Variants in GABRG2 observed in about 807,000 individuals in gnomAD.
GABRG2 encodes gamma-aminobutyric acid type A receptor subunit gamma2, also known as gamma-aminobutyric acid receptor subunit gamma-2.
A neutral mutation model predicts 56.4 loss-of-function variants in GABRG2; 16 were observed. The ratio of observed to expected loss-of-function variants is 0.28; its 90% CI spans 0.19 to 0.43. The LOEUF is 0.43. GABRG2 is among the 20% of genes least tolerant of loss of function. The probability of loss-of-function intolerance (pLI) is 1.00; values close to 1 mark genes in which losing one functional copy is unlikely to be tolerated. For synonymous variants in GABRG2, 208 were observed against 205.5 expected, an observed-to-expected ratio of 1.01 and a Z score of -0.10; for missense variants, 327 against 582.7, an observed-to-expected ratio of 0.56 and a Z score of 4.52.
At chr5:162,095,464 T>A in intron 2 of GABRG2, 31 bp from the exon 3 acceptor site, 1 of 1,361,304 alleles carries the variant, frequency 7.3e-7, no homozygotes, top group Non-Finnish European at 1.1e-6. Context: ...CACCTCTCTA[T>A]GTGCACACAT....
intron 6 of GABRG2, among the ~76,000 whole-genome samples, chr5:162,106,074 C>T (rs936264888): frequency 6.6e-6 from 1 of 152,074 alleles, no homozygotes; most frequent in Non-Finnish European, 1.5e-5. Flanking sequence ...ATTACCACCT[C>T]CCCAATGTCT....
intron 1 of GABRG2, among the ~76,000 whole-genome samples, chr5:162,076,837 A>G (rs1331876256): frequency 1.3e-5 from 2 of 152,148 alleles, no homozygotes; most frequent in Non-Finnish European, 2.9e-5. Flanking sequence ...TGCCTCATAC[A>G]TCTGATCATA....
At chr5:162,077,828 C>G (rs957231806) in intron 1 of GABRG2, among the ~76,000 whole-genome samples, 1 of 152,028 alleles carries the variant, frequency 6.6e-6, no homozygotes, top group Non-Finnish European at 1.5e-5. Flanking sequence ...CATGCTCACT[C>G]CAATGTGGCT....
intron 6 of GABRG2, among the ~76,000 whole-genome samples, chr5:162,120,191 CCT>C (rs1762890689): frequency 1.3e-5 from 2 of 152,052 alleles, no homozygotes; most frequent in South Asian, 4.1e-4. Context: ...CTTGCCTTTC[CCT>C]GTCTTTTACA....
At chr5:162,083,268 G>A (rs916268816) in intron 1 of GABRG2, among the ~76,000 whole-genome samples, 1 of 151,562 alleles carries the variant, frequency 6.6e-6, no homozygotes, top group Non-Finnish European at 1.5e-5. Flanking sequence ...GCCTAAATAT[G>A]GAACCAGCCT....
At chr5:162,104,419 G>A (rs747707262) in intron 6 of GABRG2, among the ~76,000 whole-genome samples, 5 of 152,090 alleles carry the variant, frequency 3.3e-5, no homozygotes, top group African/African-American at 4.8e-5. Flanking sequence ...TAGTGGATAT[G>A]GACCCATTCT....
chr5:162,093,677 G>T (rs530210491), intron 1 of GABRG2, 151 bp from the exon 2 acceptor site: 17 of 731,264 alleles, frequency 2.3e-5, no homozygotes, highest in African/African-American at 5.2e-5. Context: ...CTCCATCTAT[G>T]CAGTTTAATT....
intron 6 of GABRG2, among the ~76,000 whole-genome samples, chr5:162,105,988 T>C (rs1027641620): frequency 2.0e-5 from 3 of 152,130 alleles, no homozygotes; most frequent in Admixed American, 6.5e-5. Flanking sequence ...TCTTGTTTAG[T>C]TGTTTTGAGC....
Position 162,141,850 on chromosome 5 carries a change from C to A in GABRG2, c.770-314C>A, listed in dbSNP as rs1343719822. Among the ~76,000 whole-genome samples the A allele has an allele frequency of 2.0e-5, 3 of 152,006 alleles. 1 individual carries two copies. Among genetic ancestry groups the A allele is most frequent in the Admixed American group, 1.3e-4 (2 of 15,244 alleles). On this transcript the variant is annotated intron_variant, in intron 6 of 9. Coordinates refer to ENST00000639213, the MANE Select transcript of GABRG2 (RefSeq NM_198904.4). ...AAATACTGTTCCCTACCCTCCTCAC[C>A]AAACATTTTTATAATGTTTGTGAAG...
chr5:162,123,263 C>A (rs1239906261), intron 6 of GABRG2, among the ~76,000 whole-genome samples: 1 of 151,576 alleles, frequency 6.6e-6, no homozygotes, highest in African/African-American at 2.4e-5. Context: ...TATTTCTTCA[C>A]ACTTCAAACA....
Position 162,068,053 on chromosome 5 carries a change from A to T in GABRG2, c.54A>T (p.Val18=), listed in dbSNP as rs200838780. 2 of 1,612,280 alleles carry T rather than the reference A, an allele frequency of 1.2e-6. No homozygotes were observed. Among genetic ancestry groups the T allele is most frequent in the Non-Finnish European group, 1.7e-6 (2 of 1,179,754 alleles). ...GAAGCTCAGTCTACTCGACTCCTGT[A>T]TTTTCACAGAAAATGACGGTGTGGA... The part of the protein sequence containing the change: ...STGSSVYSTP[V]FSQKMTVWIL... The change falls in exon 1 of 10, where the codon GTA becomes GTT. Residue 18 remains valine, a synonymous_variant. Transcript: ENST00000639213.
intron 6 of GABRG2, among the ~76,000 whole-genome samples, chr5:162,104,915 G>A: frequency 6.6e-6 from 1 of 152,108 alleles, no homozygotes; most frequent in East Asian, 1.9e-4. Flanking sequence ...TGAACTCTCA[G>A]CAATGTTGCT....
At chr5:162,102,481 C>T (rs770537083) in intron 5 of GABRG2, 51 of 453,764 alleles carry the variant, frequency 1.1e-4, no homozygotes, top group Admixed American at 3.3e-4. Flanking sequence ...ATTCAGTCAC[C>T]AGCACATTCT....
chr5:162,069,617 T>C (rs1238242338), intron 1 of GABRG2, among the ~76,000 whole-genome samples: 1 of 152,192 alleles, frequency 6.6e-6, no homozygotes, highest in African/African-American at 2.4e-5. Flanking sequence ...TCTGCTTAAC[T>C]CTTCCAGCAC....
At chr5:162,084,116 A>G (rs768970791) in intron 1 of GABRG2, among the ~76,000 whole-genome samples, 3 of 151,806 alleles carry the variant, frequency 2.0e-5, no homozygotes, top group Non-Finnish European at 4.4e-5. Flanking sequence ...GCAAATTGAA[A>G]AGAGTGGCTA....
chr5:162,116,049 C>T (rs1762593758), intron 6 of GABRG2, among the ~76,000 whole-genome samples: 1 of 151,672 alleles, frequency 6.6e-6, no homozygotes, highest in Admixed American at 6.6e-5. Context: ...AATAGACACT[C>T]ATCTTTCCTG....
intron 6 of GABRG2, among the ~76,000 whole-genome samples, chr5:162,123,999 G>T (rs1357633526): frequency 6.6e-6 from 1 of 151,872 alleles, no homozygotes; most frequent in East Asian, 1.9e-4. Flanking sequence ...AATGAATGAT[G>T]AATCAAGGTG....
chr5:162,088,454 C>T (rs887766842), intron 1 of GABRG2, among the ~76,000 whole-genome samples: 1 of 152,152 alleles, frequency 6.6e-6, no homozygotes, highest in Non-Finnish European at 1.5e-5. Context: ...TGATCACATC[C>T]ATTACGTTAA....
At chr5:162,140,868 G>A (rs1221022523) in intron 6 of GABRG2, among the ~76,000 whole-genome samples, 3 of 152,092 alleles carry the variant, frequency 2.0e-5, no homozygotes, top group African/African-American at 4.8e-5. Context: ...AATGAATGAC[G>A]TGAAATTTTA....
Sources: gnomAD v4.1 joint callset for allele counts (sites outside exome capture counted in the v4.1 genomes callset) on GRCh38, gnomAD v4.1.1 for gene constraint, MANE v1.5 for transcripts, NCBI Gene and HGNC (gene_info 2026-07-23, HGNC 2026-07-21) for gene names.